The following C1orf94 variants were observed in gnomAD, a reference collection of about 807,000 sequenced individuals.
C1orf94 encodes the protein chromosome 1 open reading frame 94.
A neutral mutation model predicts 53.6 loss-of-function variants in C1orf94; 45 were observed. The observed-to-expected ratio is 0.84, with a 90% CI of 0.66 to 1.08. C1orf94 has a LOEUF of 1.08. Among genes scored for constraint, C1orf94 ranks in the 50% least tolerant of loss-of-function variants. The pLI, the probability that C1orf94 is intolerant of heterozygous loss-of-function variation, is 0.00. For missense variants in C1orf94, 762 were observed against 738.9 expected (o/e 1.03, Z -0.36); for synonymous variants, 304 against 296.1 (o/e 1.03, Z -0.27).
At chr1:34,215,732 A>C (rs1277743008) in intron 6 of C1orf94, among the ~76,000 whole-genome samples, 1 of 152,208 alleles carries the variant, frequency 6.6e-6, no homozygotes, top group Non-Finnish European at 1.5e-5. Flanking sequence ...TGGGCCAGGC[A>C]CAGTGGCTCA....
intron 6 of C1orf94, among the ~76,000 whole-genome samples, chr1:34,213,528 C>T (rs4652998): frequency 9.9e-4 from 150 of 151,892 alleles, no homozygotes; most frequent in African/African-American, 3.6e-3. Flanking sequence ...ACACCCTTTT[C>T]TTTTTTTATT....
intron 1 of C1orf94, among the ~76,000 whole-genome samples, chr1:34,186,053 T>A (rs1401551127): frequency 6.6e-6 from 1 of 152,248 alleles, no homozygotes; most frequent in Non-Finnish European, 1.5e-5. Flanking sequence ...CTGAATTCTT[T>A]GTTGCTCACA....
chr1:34,174,530 GAAAA>G (rs1443312645), upstream of C1orf94, among the ~76,000 whole-genome samples: 3 of 152,122 alleles, frequency 2.0e-5, no homozygotes, highest in Non-Finnish European at 4.4e-5. Context: ...TTAAAAAAAA[GAAAA>G]AAGCCATTAG....
At chr1:34,213,299 C>G (rs535281542) in intron 6 of C1orf94, among the ~76,000 whole-genome samples, 3 of 152,304 alleles carry the variant, frequency 2.0e-5, no homozygotes, top group South Asian at 4.2e-4. Context: ...CCCATGTCCC[C>G]AAACTCTCAT....
intron 4 of C1orf94, 22 bp from the exon 5 acceptor site, chr1:34,208,135 C>T (rs749731038): frequency 1.9e-6 from 3 of 1,613,166 alleles, no homozygotes; most frequent in Admixed American, 1.7e-5. Flanking sequence ...CCTGGCCATA[C>T]TGAGCCTCTG....
At chr1:34,185,079 A>G (rs1258890929) in intron 1 of C1orf94, among the ~76,000 whole-genome samples, 1 of 152,120 alleles carries the variant, frequency 6.6e-6, no homozygotes, top group East Asian at 1.9e-4. Flanking sequence ...AGTATTTGGG[A>G]ATGATTTCAG....
rs548017054 is a variant in C1orf94, at chr1:34,200,938, G to T, written c.1176G>T (p.Lys392Asn). ...PPKKPTCPAE[K>N]NLLYEFLGAT... is the part of the protein sequence containing the mutation. ...AGAAACCTACATGTCCAGCCGAGAA[G>T]AACTTGCTCTATGAGTTCCTTGGGG... The change falls in exon 3 of 7, where the codon AAG becomes AAT. Residue 392 changes from lysine to asparagine, a missense_variant. By Grantham distance (94) the Lys-to-Asn change is moderately conservative. Transcript: ENST00000488417. 4.9e-5 allele frequency: 79 copies of T among 1,614,144 alleles called. No homozygotes were observed. Among genetic ancestry groups the T allele is most frequent in the Admixed American group, 8.3e-5 (5 of 60,030 alleles).
chr1:34,218,841 G>T lies in C1orf94; in HGVS notation c.*80G>T. On this transcript the variant is annotated 3_prime_UTR_variant, in exon 7 of 7. Transcript: ENST00000488417. ...GATTTTTGGATTCTGCAAAAGCTTGGTATGAAGTTTGGAAAAGCAAGGTTC... is the reference window on the plus strand; with the variant it reads ...GATTTTTGGATTCTGCAAAAGCTTGTTATGAAGTTTGGAAAAGCAAGGTTC... 1.5e-6 allele frequency: 2 copies of T among 1,355,692 alleles called. No homozygotes were observed. 84.0% of individuals were successfully genotyped at this position (1,355,692 alleles called of 1,614,324 possible).
chr1:34,199,581 G>A (rs1242091103), intron 2 of C1orf94, among the ~76,000 whole-genome samples: 2 of 152,196 alleles, frequency 1.3e-5, no homozygotes, highest in Non-Finnish European at 2.9e-5. Context: ...TAACACTGAG[G>A]CACAGGTCCT....
chr1:34,192,927 A>C (rs924487667), intron 1 of C1orf94, among the ~76,000 whole-genome samples: 2 of 152,192 alleles, frequency 1.3e-5, no homozygotes, highest in African/African-American at 2.4e-5. Flanking sequence ...TGTGTAGGGC[A>C]TCATAAAGGA....
intron 1 of C1orf94, among the ~76,000 whole-genome samples, chr1:34,182,773 C>T (rs1019679367): frequency 2.6e-5 from 4 of 152,188 alleles, no homozygotes. Context: ...CTGGCAAACT[C>T]AAGGTGGGGA....
chr1:34,202,801 A>T (rs1173869808), intron 4 of C1orf94, among the ~76,000 whole-genome samples: 2 of 152,222 alleles, frequency 1.3e-5, no homozygotes, highest in African/African-American at 2.4e-5. Flanking sequence ...AACAAATTAC[A>T]GTCAGCCCTC....
intron 2 of C1orf94, 32 bp from the exon 3 acceptor site, chr1:34,200,740 G>A (rs1642690048): frequency 2.5e-6 from 4 of 1,611,974 alleles, no homozygotes; most frequent in Non-Finnish European, 3.4e-6. Context: ...TGGCCTTCCA[G>A]AGGCATTGAC....
intron 5 of C1orf94, 45 bp downstream of exon 5, chr1:34,208,279 C>G: frequency 6.3e-7 from 1 of 1,584,140 alleles, no homozygotes; most frequent in Non-Finnish European, 8.6e-7. Context: ...CCATGAAGGC[C>G]TTTGGGTCAG....
chr1:34,189,081 T>C (rs1228590920), intron 1 of C1orf94, among the ~76,000 whole-genome samples: 1 of 151,866 alleles, frequency 6.6e-6, no homozygotes, highest in East Asian at 1.9e-4. Flanking sequence ...TACATGGGTG[T>C]GTGCATAGGT....
upstream of C1orf94, among the ~76,000 whole-genome samples, chr1:34,174,356 A>G (rs1642190659): frequency 6.6e-6 from 1 of 152,250 alleles, no homozygotes; most frequent in Admixed American, 6.5e-5. Flanking sequence ...GGTTAGTAAT[A>G]GAACATCTGT....
chr1:34,192,957 T>G (rs1012236619), intron 1 of C1orf94, among the ~76,000 whole-genome samples: 4 of 152,158 alleles, frequency 2.6e-5, no homozygotes, highest in African/African-American at 4.8e-5. Flanking sequence ...TTATCCTGTG[T>G]GTAGTGAGAA....
At chr1:34,175,135 G>A (rs939494880), upstream of C1orf94, among the ~76,000 whole-genome samples, 22 of 151,466 alleles carry the variant, frequency 1.5e-4, no homozygotes, top group South Asian at 2.1e-4. Context: ...TAGAAATCTC[G>A]TCTGTGCACT....
intron 1 of C1orf94, among the ~76,000 whole-genome samples, chr1:34,171,069 G>C (rs1052238940): frequency 1.1e-4 from 17 of 152,254 alleles, no homozygotes; most frequent in African/African-American, 4.1e-4. Flanking sequence ...CAGCTCCTCT[G>C]TCTTCCCCGG....
Sources: allele counts gnomAD v4.1 joint callset (sites outside exome capture counted in the v4.1 genomes callset), GRCh38; gene constraint gnomAD v4.1.1; transcripts MANE v1.5; gene names NCBI Gene and HGNC (gene_info 2026-07-23, HGNC 2026-07-21).